The following CACNA2D3 variants were observed in gnomAD, a reference collection of about 807,000 sequenced individuals.
CACNA2D3 encodes the protein voltage-dependent calcium channel subunit alpha-2/delta-3.
A neutral mutation model predicts 160.6 loss-of-function variants in CACNA2D3; 60 were observed. The ratio of observed to expected loss-of-function variants is 0.37; its 90% confidence interval spans 0.30 to 0.46. CACNA2D3 has a LOEUF of 0.46. CACNA2D3 is among the 20% of genes least tolerant of loss of function. The probability of loss-of-function intolerance (pLI) is 1.00; values close to 1 mark genes in which losing one functional copy is unlikely to be tolerated. For missense variants in CACNA2D3, 1,205 were observed against 1,365.0 expected, an observed-to-expected ratio of 0.88 and a Z score of 1.85; for synonymous variants, 558 against 492.9, an observed-to-expected ratio of 1.13 and a Z score of -1.75.
chr3:54,170,528 G>A (rs957697800), intron 2 of CACNA2D3, among the ~76,000 whole-genome samples: 1 of 152,146 alleles, frequency 6.6e-6, no homozygotes, highest in Non-Finnish European at 1.5e-5. Flanking sequence ...CTGCTGTTTT[G>A]GAATGCCAAA....
intron 9 of CACNA2D3, chr3:54,626,706 A>G (rs989837730): frequency 5.0e-4 from 353 of 705,788 alleles, no homozygotes; most frequent in African/African-American, 7.5e-4. Context: ...AAAAAAAAAA[A>G]AAAGAAAGAA....
chr3:54,388,232 T>C (rs1029043045), intron 4 of CACNA2D3, among the ~76,000 whole-genome samples: 5 of 151,968 alleles, frequency 3.3e-5, no homozygotes, highest in African/African-American at 1.2e-4. Context: ...GGAAAAAGGA[T>C]TTGATAGAGG....
chr3:54,542,268 G>A (rs1046808673), intron 5 of CACNA2D3, among the ~76,000 whole-genome samples: 3 of 151,962 alleles, frequency 2.0e-5, no homozygotes, highest in Non-Finnish European at 4.4e-5. Context: ...TACCATGTTG[G>A]CCAGGATGGT....
At chr3:54,176,111 A>G (rs1445048775) in intron 2 of CACNA2D3, among the ~76,000 whole-genome samples, 2 of 152,238 alleles carry the variant, frequency 1.3e-5, no homozygotes, top group African/African-American at 2.4e-5. Flanking sequence ...TTTCAGTTCA[A>G]CATGCACAAA....
At chr3:54,719,349 C>T (rs540921622) in intron 11 of CACNA2D3, among the ~76,000 whole-genome samples, 1 of 151,772 alleles carries the variant, frequency 6.6e-6, no homozygotes, top group Non-Finnish European at 1.5e-5. Flanking sequence ...TCTTCTGTTC[C>T]TAGTGTGGTA....
At chr3:54,887,892 C>T in intron 23 of CACNA2D3, 67 bp from the exon 24 acceptor site, 1 of 1,177,508 alleles carries the variant, frequency 8.5e-7, no homozygotes, top group Non-Finnish European at 1.3e-6. Flanking sequence ...ACAATGAGCC[C>T]ATGAGTGCCT....
chr3:54,811,891 T>TG (rs1399996129), intron 13 of CACNA2D3, among the ~76,000 whole-genome samples: 1 of 152,232 alleles, frequency 6.6e-6, no homozygotes, highest in Non-Finnish European at 1.5e-5. Flanking sequence ...TTTGTGACCT[T>TG]GTAGTTTCAA....
At chr3:54,991,311 C>T (rs892218547) in intron 31 of CACNA2D3, among the ~76,000 whole-genome samples, 8 of 151,886 alleles carry the variant, frequency 5.3e-5, no homozygotes, top group Non-Finnish European at 8.8e-5. Context: ...CAACCACCGC[C>T]TTCTGGGTTC....
rs1369512990 is a variant in CACNA2D3 at position 55,049,533 on chromosome 3, A to C, written c.2988-23912A>C. Among the ~76,000 whole-genome samples, 27 of 140,768 alleles carry C rather than the reference A, an allele frequency of 1.9e-4. No homozygotes were observed. In the East Asian group the frequency reaches 5.4e-3, roughly 28 times the overall value. The allele number at this position is 140,768 out of a possible 152,430, so 92.3% of individuals were successfully genotyped here. On this transcript the variant is annotated intron_variant, in intron 35 of 37. Transcript: ENST00000474759. ...GAGCTTTACTTCCCAGTATGTGGTC[A>C]ATTTTGGAATAGGTGTGGTGTGGTG...
intron 4 of CACNA2D3, among the ~76,000 whole-genome samples, chr3:54,424,063 C>T (rs1030982462): frequency 5.9e-5 from 9 of 151,704 alleles, no homozygotes; most frequent in Non-Finnish European, 8.8e-5. Flanking sequence ...TAATGTTTTC[C>T]GGGTTTTTGT....
At chr3:54,593,358 T>G (rs1702896473) in intron 9 of CACNA2D3, among the ~76,000 whole-genome samples, 1 of 152,054 alleles carries the variant, frequency 6.6e-6, no homozygotes, top group African/African-American at 2.4e-5. Flanking sequence ...GTTCATGGCT[T>G]CTATTTTGTT....
rs1701882508 is a variant in CACNA2D3, at chr3:54,752,689, C to T, written c.1246+12C>T. The stretch of plus-strand genomic sequence containing the variant: ...CTGTGCCAACAAAGGTGGGTCTTCG[C>T]ATTGTGCTCGGCTCTGAATAACTTC... On this transcript the variant is annotated intron_variant, in intron 12 of 37. Transcript: ENST00000474759. 3 of 1,601,170 alleles carry T rather than the reference C, an allele frequency of 1.9e-6. No homozygotes were observed. The highest frequency in any genetic ancestry group is 2.6e-6 in the Non-Finnish European group (3 of 1,170,078).
At chr3:54,628,724 G>A (rs999143845) in intron 10 of CACNA2D3, among the ~76,000 whole-genome samples, 1 of 152,150 alleles carries the variant, frequency 6.6e-6, no homozygotes, top group Non-Finnish European at 1.5e-5. Context: ...GATGGCATAA[G>A]GGATGGAAAA....
chr3:54,626,242 A>T lies in CACNA2D3; in HGVS notation c.964-1545A>T, dbSNP rs141786838. 2.8e-4 allele frequency: 297 copies of T among 1,076,190 alleles called. No individual in the cohort carries two copies. The African/African-American group carries it at 4.0e-3, about 15-fold the overall frequency. The allele number at this position is 1,076,190 out of a possible 1,614,324, so 66.7% of individuals were successfully genotyped here. A position where few individuals can be genotyped will look rare whatever the true frequency, so the allele number is the denominator to read the frequency against. On this transcript the variant is annotated intron_variant, in intron 9 of 37. Transcript: ENST00000474759. ...GGCAGAAGTAGAGCAGAAGAAGCAG[A>T]CCTTCCGCAGGTTCACCTACCGTGG...
chr3:54,322,574 G>A (rs867301568), intron 3 of CACNA2D3, among the ~76,000 whole-genome samples: 8 of 152,304 alleles, frequency 5.3e-5, no homozygotes, highest in Admixed American at 1.3e-4. Flanking sequence ...CTAGGTGGTG[G>A]GGTTGCAGTA....
intron 4 of CACNA2D3, among the ~76,000 whole-genome samples, chr3:54,446,881 G>A (rs1700230058): frequency 6.6e-6 from 1 of 152,088 alleles, no homozygotes; most frequent in African/African-American, 2.4e-5. Context: ...TTGGTATATG[G>A]GGCACCAAGT....
intron 3 of CACNA2D3, among the ~76,000 whole-genome samples, chr3:54,336,112 C>G (rs1178326631): frequency 6.6e-6 from 1 of 151,866 alleles, no homozygotes; most frequent in East Asian, 1.9e-4. Context: ...CCTCAGAATC[C>G]CAGGAGACTT....
chr3:54,720,231 C>T lies in CACNA2D3; in HGVS notation c.1168-32368C>T, dbSNP rs538201870. ...GAACCTTAGATTATTGGTTTCCAGCCTTACTTTTTTATTATATGTATTTAC... is the reference window on the plus strand; with the variant it reads ...GAACCTTAGATTATTGGTTTCCAGCTTTACTTTTTTATTATATGTATTTAC... On this transcript the variant is annotated intron_variant, in intron 11 of 37. Transcript: ENST00000474759. Among the ~76,000 whole-genome samples, 7 of 151,888 alleles carry T rather than the reference C, an allele frequency of 4.6e-5. No homozygotes were observed. The South Asian group carries it at 1.2e-3, about 27-fold the overall frequency.
At chr3:55,051,814 G>GT (rs1704225324) in intron 35 of CACNA2D3, among the ~76,000 whole-genome samples, 1 of 152,200 alleles carries the variant, frequency 6.6e-6, no homozygotes, top group African/African-American at 2.4e-5. Flanking sequence ...GTGGTGCGCC[G>GT]TTTTTTAAGC....
Sources: allele counts gnomAD v4.1 joint callset (sites outside exome capture counted in the v4.1 genomes callset), GRCh38; gene constraint gnomAD v4.1.1; transcripts MANE v1.5; gene names NCBI Gene and HGNC (gene_info 2026-07-23, HGNC 2026-07-21).